ZGPAT: variants seen among roughly 807,000 people sequenced by gnomAD.
The protein encoded by ZGPAT is zinc finger CCCH-type with G patch domain-containing protein.
Under a neutral mutation model 47.9 loss-of-function variants are expected in ZGPAT, and 39 were observed. The observed-to-expected ratio is 0.81, with a 90% CI of 0.63 to 1.06. The LOEUF is 1.06. Among genes scored for constraint, ZGPAT ranks in the 50% least tolerant of loss-of-function variants. The pLI, the probability that ZGPAT is intolerant of heterozygous loss-of-function variation, is 0.00. For missense variants in ZGPAT, 717 were observed against 681.4 expected (o/e 1.05, Z -0.58); for synonymous variants, 348 against 292.9 (o/e 1.19, Z -1.92).
intron 2 of ZGPAT, among the ~76,000 whole-genome samples, chr20:63,714,016 T>C (rs1172975026): frequency 6.6e-6 from 1 of 152,124 alleles, no homozygotes; most frequent in East Asian, 1.9e-4. Context: ...ATATATACAA[T>C]TAATATATAT....
Position 63,734,953 on chromosome 20 carries a change from C to T in ZGPAT, c.991+129C>T, listed in dbSNP as rs536130485. The T allele has an allele frequency of 3.9e-4, 529 of 1,371,298 alleles. 1 individual carries two copies. Among genetic ancestry groups the T allele is most frequent in the Non-Finnish European group, 4.9e-4 (502 of 1,032,300 alleles). 84.9% of individuals were successfully genotyped at this position (1,371,298 alleles called of 1,614,324 possible). ...TCCCGCAGCCACAGCACTGCCATCC[C>T]CGTGCTCCTCAGATTCCCGGGGTCC... On this transcript the variant is annotated intron_variant, in intron 5 of 6. Transcript: ENST00000355969.
At chr20:63,733,007 CAT>C (rs1294174039) in intron 2 of ZGPAT, among the ~76,000 whole-genome samples, 2 of 142,440 alleles carry the variant, frequency 1.4e-5, no homozygotes, top group Non-Finnish European at 3.1e-5. Flanking sequence ...TGTATATGTG[CAT>C]GTGTGTATGT....
intron 2 of ZGPAT, among the ~76,000 whole-genome samples, chr20:63,715,190 C>T (rs1025654922): frequency 7.9e-5 from 12 of 151,766 alleles, no homozygotes; most frequent in African/African-American, 1.9e-4. Flanking sequence ...CCTCAGCCTC[C>T]GAAAGCGCTG....
intron 2 of ZGPAT, among the ~76,000 whole-genome samples, chr20:63,711,763 T>A (rs1179424905): frequency 3.3e-5 from 5 of 152,150 alleles, no homozygotes; most frequent in Non-Finnish European, 5.9e-5. Flanking sequence ...AATTTTTATA[T>A]TTTTAGTAGA....
intron 2 of ZGPAT, among the ~76,000 whole-genome samples, chr20:63,710,039 T>A (rs2091647313): frequency 6.6e-6 from 1 of 151,940 alleles, no homozygotes; most frequent in African/African-American, 2.4e-5. Context: ...TTTCTGTATT[T>A]TTAGTAGAGA....
chr20:63,732,743 T>C (rs1181820203), intron 2 of ZGPAT, among the ~76,000 whole-genome samples: 2 of 150,760 alleles, frequency 1.3e-5, no homozygotes, highest in African/African-American at 2.5e-5. Context: ...TGTCTGTATA[T>C]GTGTGTGTAT....
At chr20:63,735,080 C>T in intron 5 of ZGPAT, 79 bp from the exon 6 acceptor site, 1 of 1,444,266 alleles carries the variant, frequency 6.9e-7, no homozygotes, top group Non-Finnish European at 9.1e-7. Context: ...GGTCCCGTGG[C>T]CACAGCACTG....
chr20:63,732,642 A>G (rs1363216997), intron 2 of ZGPAT, among the ~76,000 whole-genome samples: 1 of 34,554 alleles, frequency 2.9e-5, no homozygotes, highest in Admixed American at 3.3e-4. Context: ...GTGTGAGTAC[A>G]TGTGTTAATG....
At chr20:63,720,049 T>G (rs2091771310) in intron 2 of ZGPAT, among the ~76,000 whole-genome samples, 1 of 152,052 alleles carries the variant, frequency 6.6e-6, no homozygotes, top group Admixed American at 6.6e-5. Context: ...GCCTCTTTTT[T>G]TAGTGTATTT....
chr20:63,732,007 T>G (rs1248411806), intron 2 of ZGPAT, among the ~76,000 whole-genome samples: 3 of 152,206 alleles, frequency 2.0e-5, no homozygotes, highest in African/African-American at 7.2e-5. Flanking sequence ...GCACAGGGGG[T>G]TTCCCATGGA....
intron 2 of ZGPAT, among the ~76,000 whole-genome samples, chr20:63,709,805 A>C: frequency 1.3e-5 from 2 of 151,878 alleles, no homozygotes; most frequent in Non-Finnish European, 2.9e-5. Flanking sequence ...CAGCCCCCCT[A>C]GGAGCTGGGC....
intron 2 of ZGPAT, among the ~76,000 whole-genome samples, chr20:63,712,645 C>T (rs1410410827): frequency 6.6e-6 from 1 of 152,132 alleles, no homozygotes; most frequent in Non-Finnish European, 1.5e-5. Flanking sequence ...CCTGTAATCC[C>T]AGTACTTTGG....
chr20:63,732,914 GTA>G (rs879896651), intron 2 of ZGPAT, among the ~76,000 whole-genome samples: 34 of 151,854 alleles, frequency 2.2e-4, no homozygotes, highest in African/African-American at 8.2e-4. Flanking sequence ...GCATGTGTGT[GTA>G]TATGCCTGCA....
At chr20:63,729,066 T>C in intron 2 of ZGPAT, among the ~76,000 whole-genome samples, 2 of 151,626 alleles carry the variant, frequency 1.3e-5, no homozygotes, top group Middle Eastern at 3.4e-3. Flanking sequence ...GAGTCTCACT[T>C]CGTCACCCAG....
intron 4 of ZGPAT, chr20:63,734,301 G>A (rs568486617): frequency 6.7e-6 from 2 of 298,584 alleles, no homozygotes; most frequent in South Asian, 1.1e-4. Flanking sequence ...GTGTACCCAG[G>A]GATCAGTGAT....
chr20:63,721,048 C>T (rs1433655854), intron 2 of ZGPAT, among the ~76,000 whole-genome samples: 1 of 151,338 alleles, frequency 6.6e-6, no homozygotes, highest in Non-Finnish European at 1.5e-5. Context: ...CTTTAAATAT[C>T]TAGTGGCAAA....
rs765828719 is a variant in ZGPAT at position 63,709,111 on chromosome 20, G to A, written c.531G>A (p.Leu177=). The A allele has an allele frequency of 1.2e-6, 2 of 1,613,150 alleles. No homozygotes were observed. The highest frequency in any genetic ancestry group is 1.3e-5 in the African/African-American group (1 of 75,060). ...VLYLYPTHKS[L]KPCPFFLEGK... ...ACCTGTACCCCACTCACAAGTCTCTGAAGCCGTGCCCGTTCTTCCTGGAGG... is the reference window on the plus strand; with the variant it reads ...ACCTGTACCCCACTCACAAGTCTCTAAAGCCGTGCCCGTTCTTCCTGGAGG... Residue 177 remains leucine (L), a synonymous_variant, in exon 2 of 7, where the codon CTG becomes CTA. Coordinates refer to ENST00000355969, the MANE Select transcript of ZGPAT (RefSeq NM_181485.3).
chr20:63,708,369 G>T (rs1297326772), intron 1 of ZGPAT, among the ~76,000 whole-genome samples, 184 bp from the exon 2 acceptor site: 1 of 152,070 alleles, frequency 6.6e-6, no homozygotes, highest in African/African-American at 2.4e-5. Flanking sequence ...GCGAGCCCAC[G>T]GCGGCTCGGA....
At chr20:63,731,061 G>A (rs1381295125) in intron 2 of ZGPAT, among the ~76,000 whole-genome samples, 1 of 151,490 alleles carries the variant, frequency 6.6e-6, no homozygotes, top group Non-Finnish European at 1.5e-5. Flanking sequence ...TTCATAAGCA[G>A]GTTCTCCTAG....
Sources: allele counts gnomAD v4.1 joint callset (sites outside exome capture counted in the v4.1 genomes callset), GRCh38; gene constraint gnomAD v4.1.1; transcripts MANE v1.5; gene names NCBI Gene and HGNC (gene_info 2026-07-23, HGNC 2026-07-21).